Variants in RBFOX1 observed in about 807,000 individuals in gnomAD.
RBFOX1 encodes RNA binding fox-1 homolog 1.
Under a neutral mutation model 57.7 loss-of-function variants are expected in RBFOX1, and 8 were observed. The ratio of observed to expected loss-of-function variants is 0.14; its 90% CI spans 0.08 to 0.25. The LOEUF (loss-of-function observed/expected upper bound fraction) is 0.25. Ranked by LOEUF, RBFOX1 falls within the 10% of genes least tolerant of loss-of-function variation. The pLI is 1.00. For synonymous variants in RBFOX1, 326 were observed against 222.4 expected (o/e 1.47, Z -4.15); for missense variants, 611 against 548.5 (o/e 1.11, Z -1.14).
intron 1 of RBFOX1, among the ~76,000 whole-genome samples, chr16:6,095,962 A>G (rs1315227157): frequency 2.6e-5 from 4 of 152,190 alleles, no homozygotes; most frequent in African/African-American, 7.2e-5. Flanking sequence ...CCCAGATCTC[A>G]GCCACCCAGG....
intron 3 of RBFOX1, among the ~76,000 whole-genome samples, chr16:6,745,624 C>G (rs1387869325): frequency 6.6e-6 from 1 of 152,040 alleles, no homozygotes; most frequent in South Asian, 2.1e-4. Context: ...AAAAGCTCAG[C>G]AAGAATAGAA....
chr16:7,541,488 C>G (rs2082925313), intron 5 of RBFOX1, among the ~76,000 whole-genome samples: 1 of 151,844 alleles, frequency 6.6e-6, no homozygotes, highest in Non-Finnish European at 1.5e-5. Context: ...ACTTTTATCT[C>G]ACTCAGAGTG....
At chr16:7,667,588 G>A (rs1477441200) in intron 13 of RBFOX1, among the ~76,000 whole-genome samples, 1 of 152,220 alleles carries the variant, frequency 6.6e-6, no homozygotes, top group Non-Finnish European at 1.5e-5. Context: ...CTCGTTAAAA[G>A]TAGTACACAA....
chr16:5,357,947 A>C (rs2065438597), intron 1 of RBFOX1, among the ~76,000 whole-genome samples: 2 of 152,212 alleles, frequency 1.3e-5, no homozygotes, highest in Non-Finnish European at 2.9e-5. Context: ...ATACATTAAA[A>C]ATTGCTGGGG....
intron 5 of RBFOX1, among the ~76,000 whole-genome samples, chr16:7,571,013 A>G (rs1446682636): frequency 2.6e-5 from 4 of 152,212 alleles, no homozygotes; most frequent in African/African-American, 4.8e-5. Flanking sequence ...GTTCTCACTC[A>G]TAAGTGGGAG....
At chr16:6,735,035 C>T (rs536293184) in intron 3 of RBFOX1, among the ~76,000 whole-genome samples, 1 of 151,974 alleles carries the variant, frequency 6.6e-6, no homozygotes, top group Non-Finnish European at 1.5e-5. Flanking sequence ...TTCTCAGCTA[C>T]TTGGAAGACT....
chr16:5,441,234 TA>T (rs2068074408), intron 1 of RBFOX1, among the ~76,000 whole-genome samples: 1 of 152,202 alleles, frequency 6.6e-6, no homozygotes. Context: ...ATTTACTCAT[TA>T]ACTCCTTCTT....
rs1232196359 is a variant in RBFOX1, at chr16:6,200,293, C to T, written c.-126-116702C>T. 3.3e-5 allele frequency among the ~76,000 whole-genome samples: 5 copies of T among 152,104 alleles called. No individual in the cohort carries two copies. The East Asian group carries it at 9.7e-4, about 29-fold the overall frequency. On this transcript the variant is annotated intron_variant, in intron 1 of 15. Transcript: ENST00000550418. Reference sequence around the variant, plus strand: ...TGGACGGTCTCTCTGCATCCCTTTCCTCAAGCCTTTTGTTCAACGCTTTTC... The same window carrying T: ...TGGACGGTCTCTCTGCATCCCTTTCTTCAAGCCTTTTGTTCAACGCTTTTC...
At chr16:6,275,299 A>G (rs749273355) in intron 1 of RBFOX1, among the ~76,000 whole-genome samples, 17 of 129,180 alleles carry the variant, frequency 1.3e-4, no homozygotes, top group Middle Eastern at 3.8e-3. Flanking sequence ...CGACAGAGTG[A>G]GACTCCATCT....
chr16:6,136,129 T>C (rs1201673584), intron 1 of RBFOX1, among the ~76,000 whole-genome samples: 1 of 152,112 alleles, frequency 6.6e-6, no homozygotes, highest in Non-Finnish European at 1.5e-5. Flanking sequence ...TTTAGGTACT[T>C]TGTTAGACCA....
intron 4 of RBFOX1, among the ~76,000 whole-genome samples, chr16:7,142,679 A>G (rs542485135): frequency 1.2e-4 from 19 of 152,308 alleles, no homozygotes; most frequent in Admixed American, 7.8e-4. Flanking sequence ...TCTTGTTTGT[A>G]TATACATGTC....
chr16:6,829,081 C>T (rs919290278), intron 3 of RBFOX1, among the ~76,000 whole-genome samples: 5 of 152,106 alleles, frequency 3.3e-5, no homozygotes, highest in African/African-American at 1.2e-4. Context: ...GTCCCACCAG[C>T]ATTTGGGGAC....
At chr16:5,704,715 G>T (rs2051177283) in intron 3 of RBFOX1, among the ~76,000 whole-genome samples, 1 of 150,862 alleles carries the variant, frequency 6.6e-6, no homozygotes, top group South Asian at 2.1e-4. Context: ...TTTATATTTT[G>T]GGGGGCTCTC....
At chr16:5,467,140 C>G in intron 1 of RBFOX1, 1 of 1,362,622 alleles carries the variant, frequency 7.3e-7, no homozygotes, top group Non-Finnish European at 9.8e-7. Context: ...AAAACAAAGC[C>G]AAAGCAATTG....
intron 10 of RBFOX1, among the ~76,000 whole-genome samples, chr16:7,623,371 C>T (rs527504305): frequency 6.6e-6 from 1 of 152,068 alleles, no homozygotes; most frequent in Non-Finnish European, 1.5e-5. Flanking sequence ...AATGTAGAAT[C>T]AGTGGGAGCC....
At chr16:7,100,153 G>T (rs934189250) in intron 4 of RBFOX1, among the ~76,000 whole-genome samples, 1 of 152,018 alleles carries the variant, frequency 6.6e-6, no homozygotes, top group African/African-American at 2.4e-5. Context: ...TTTAGAGAGG[G>T]ATGCAGAGAA....
chr16:5,611,907 C>G (rs533352058), intron 3 of RBFOX1, among the ~76,000 whole-genome samples: 7 of 151,166 alleles, frequency 4.6e-5, no homozygotes, highest in Non-Finnish European at 1.0e-4. Flanking sequence ...GGAGGAGGAT[C>G]ACTTGAGGAC....
chr16:6,458,959 C>A (rs1185647137), intron 2 of RBFOX1, among the ~76,000 whole-genome samples: 1 of 152,212 alleles, frequency 6.6e-6, no homozygotes. Context: ...AATGTGCCCA[C>A]ACTTCCCAGT....
intron 4 of RBFOX1, among the ~76,000 whole-genome samples, chr16:7,418,772 G>GTGTCTCTATCTC (rs57720301): frequency 0.071 from 4,619 of 65,454 alleles, 219 homozygotes; most frequent in African/African-American, 0.21. Context: ...CACTGTGTCT[G>GTGTCTCTATCTC]TGTCTCTATC....
Sources: allele counts gnomAD v4.1 joint callset (sites outside exome capture counted in the v4.1 genomes callset), GRCh38; gene constraint gnomAD v4.1.1; transcripts MANE v1.5; gene names NCBI Gene and HGNC (gene_info 2026-07-23, HGNC 2026-07-21).